PI4KB: variants seen among roughly 807,000 people sequenced by gnomAD.
PI4KB encodes the protein phosphatidylinositol 4-kinase beta.
Under a neutral mutation model 81.4 loss-of-function variants are expected in PI4KB, and 23 were observed. The ratio of observed to expected loss-of-function variants is 0.28; its 90% CI spans 0.20 to 0.40. PI4KB has a LOEUF of 0.40. Ranked by LOEUF, PI4KB falls within the 10% of genes least tolerant of loss-of-function variation. PI4KB has a pLI of 1.00. For synonymous variants in PI4KB, 381 were observed against 406.8 expected (o/e 0.94, Z 0.76); for missense variants, 651 against 1,036.6 (o/e 0.63, Z 5.11).
At position 151,327,291 on chromosome 1, in the gene PI4KB, G is replaced by C. The variant is rs936008429; in HGVS notation, c.-49C>G. 2.0e-5 allele frequency: 6 copies of C among 301,482 alleles called. No individual in the cohort carries two copies. The highest frequency in any genetic ancestry group is 3.7e-5 in the Non-Finnish European group (6 of 164,344). 18.7% of individuals were successfully genotyped at this position (301,482 alleles called of 1,614,324 possible). The stretch of plus-strand genomic sequence containing the variant: ...CTTACCTCTGGGGGACCCCCGCGGA[G>C]GGGGTGCGGGCAGTCGCGGTTGGAC... On this transcript the variant is annotated 5_prime_UTR_variant, in exon 1 of 12. Coordinates refer to ENST00000368873, the MANE Select transcript of PI4KB (RefSeq NM_001369623.2).
intron 3 of PI4KB, 65 bp downstream of exon 3, chr1:151,310,146 G>C: frequency 8.5e-7 from 1 of 1,170,984 alleles, no homozygotes; most frequent in Non-Finnish European, 1.3e-6. Context: ...AGAAGACCTG[G>C]GGACGGAGAG....
chr1:151,317,076 C>T (rs1290814782), intron 1 of PI4KB, among the ~76,000 whole-genome samples: 3 of 151,976 alleles, frequency 2.0e-5, no homozygotes, highest in South Asian at 2.1e-4. Context: ...CCACCCACCT[C>T]GGCCTCCCAA....
Position 151,323,333 on chromosome 1 carries a change from C to T in PI4KB, c.-29+3938G>A, listed in dbSNP as rs1020058552. ...CAGCCTGGCCAACATGGTGAAACCC[C>T]GTCTCTACTAAAAAATATAAAAAAC... On this transcript the variant is annotated intron_variant, in intron 1 of 11. Transcript: ENST00000368873. Among the ~76,000 whole-genome samples, 5 of 152,096 alleles carry T rather than the reference C, an allele frequency of 3.3e-5. No individual in the cohort carries two copies. In the South Asian group the frequency reaches 6.2e-4, roughly 19 times the overall value.
chr1:151,292,846 A>G lies in PI4KB; in HGVS notation c.*6T>C, dbSNP rs1694413338. 6.2e-7 allele frequency: 1 copy of G among 1,613,518 alleles called. No individual in the cohort carries two copies. On this transcript the variant is annotated 3_prime_UTR_variant, in exon 12 of 12. Transcript: ENST00000368873. The stretch of plus-strand genomic sequence containing the variant: ...ACCCCCCACCACTCCTGGGCTGAGG[A>G]GCGTGTCACATGATGCCGTTGGTGA...
At chr1:151,297,373 G>A (rs1476043114) in intron 9 of PI4KB, among the ~76,000 whole-genome samples, 2 of 83,068 alleles carry the variant, frequency 2.4e-5, no homozygotes, top group Non-Finnish European at 5.4e-5. Context: ...TTTGAGACTC[G>A]CTTTGTTGCC....
chr1:151,325,227 G>A (rs1649450694), intron 1 of PI4KB, among the ~76,000 whole-genome samples: 2 of 151,864 alleles, frequency 1.3e-5, no homozygotes, highest in Non-Finnish European at 2.9e-5. Context: ...TCCTGACCTC[G>A]GGTGATCTGC....
In PI4KB at chr1:151,292,656, T is replaced by C. The variant is rs1472480567; in HGVS notation, c.*196A>G. 2 of 590,512 alleles carry C rather than the reference T, an allele frequency of 3.4e-6. No individual in the cohort carries two copies. Among genetic ancestry groups the C allele is most frequent in the Non-Finnish European group, 6.0e-6 (2 of 334,550 alleles). The allele number at this position is 590,512 out of a possible 1,614,324, so 36.6% of individuals were successfully genotyped here. ...GGAGGGGCAGGGAAGCCCCAACAAGTCTGGACCCCACAGCTGGCTCTCCCA... is the reference window on the plus strand; with the variant it reads ...GGAGGGGCAGGGAAGCCCCAACAAGCCTGGACCCCACAGCTGGCTCTCCCA... On this transcript the variant is annotated 3_prime_UTR_variant, in exon 12 of 12. Transcript: ENST00000368873.
intron 1 of PI4KB, among the ~76,000 whole-genome samples, chr1:151,317,348 G>C (rs1648119895): frequency 6.6e-6 from 1 of 151,624 alleles, no homozygotes; most frequent in East Asian, 1.9e-4. Flanking sequence ...ACAGGGTCTT[G>C]CTCTGTTGCC....
At chr1:151,299,158 C>T in intron 8 of PI4KB, 85 bp from the exon 9 acceptor site, 1 of 1,228,624 alleles carries the variant, frequency 8.1e-7, no homozygotes, top group Non-Finnish European at 1.2e-6. Context: ...TCTCCAGCCT[C>T]TCTCCTTGGT....
intron 4 of PI4KB, 126 bp from the exon 5 acceptor site, chr1:151,306,489 G>A: frequency 1.5e-6 from 1 of 655,322 alleles, no homozygotes. Context: ...ATAGTCCTCT[G>A]AAACTATGAA....
chr1:151,301,790 CCA>C (rs1695310123), intron 8 of PI4KB, 52 bp downstream of exon 8: 2 of 1,574,514 alleles, frequency 1.3e-6, no homozygotes, highest in Admixed American at 3.4e-5. Flanking sequence ...CCTCGGCCTC[CCA>C]GAGTGCTGGG....
rs1694379135 is a variant in PI4KB at position 151,292,548 on chromosome 1, A to G, written c.*304T>C. The G allele has an allele frequency of 6.0e-6, 2 of 332,046 alleles. No homozygotes were observed. Among genetic ancestry groups the G allele is most frequent in the South Asian group, 8.7e-5 (2 of 22,872 alleles). 20.6% of individuals were successfully genotyped at this position (332,046 alleles called of 1,614,324 possible). A position where few individuals can be genotyped will look rare whatever the true frequency, so the allele number is the denominator to read the frequency against. On this transcript the variant is annotated 3_prime_UTR_variant, in exon 12 of 12. Transcript: ENST00000368873. ...CCCCTACAAGGAGAAGAAAGGCCCC[A>G]GTGTCCCTCACATTTGTCACCTCTG...
chr1:151,309,843 G>A (rs1696058722), intron 3 of PI4KB, among the ~76,000 whole-genome samples: 1 of 152,160 alleles, frequency 6.6e-6, no homozygotes, highest in South Asian at 2.1e-4. Context: ...GGTTCTGGGT[G>A]GGAGAAACAG....
intron 6 of PI4KB, among the ~76,000 whole-genome samples, chr1:151,302,721 G>A (rs1695397773): frequency 6.6e-6 from 1 of 150,996 alleles, no homozygotes; most frequent in South Asian, 2.1e-4. Flanking sequence ...GGGACTACAG[G>A]CGCCCACCAC....
In PI4KB at chr1:151,323,956, A is replaced by C. The variant is rs534175157; in HGVS notation, c.-29+3315T>G. On this transcript the variant is annotated intron_variant, in intron 1 of 11. Coordinates refer to ENST00000368873, the MANE Select transcript of PI4KB (RefSeq NM_001369623.2). ...AATGCATGCATTCCTTCAAAAAAAA[A>C]TTTTTTTTTTTTTGAGATGGAGTCT... 3.4e-5 allele frequency among the ~76,000 whole-genome samples: 5 copies of C among 145,442 alleles called. No homozygotes were observed. In the South Asian group the frequency reaches 1.1e-3, roughly 32 times the overall value.
At chr1:151,314,927 T>C (rs929144742) in intron 2 of PI4KB, among the ~76,000 whole-genome samples, 3 of 152,178 alleles carry the variant, frequency 2.0e-5, no homozygotes, top group African/African-American at 4.8e-5. Flanking sequence ...GTGGAGGGCT[T>C]CTGCCACAGT....
chr1:151,322,630 T>A (rs995572525), intron 1 of PI4KB, among the ~76,000 whole-genome samples: 1 of 152,080 alleles, frequency 6.6e-6, no homozygotes, highest in Non-Finnish European at 1.5e-5. Context: ...TAGAATGGCT[T>A]TAAGAGATCA....
chr1:151,299,196 G>T, intron 8 of PI4KB, 123 bp from the exon 9 acceptor site: 1 of 881,188 alleles, frequency 1.1e-6, no homozygotes, highest in Non-Finnish European at 1.8e-6. Context: ...CATCAAATGA[G>T]TAAGACTCAC....
In PI4KB at chr1:151,301,962, A is replaced by C; in HGVS notation, c.1631T>G (p.Ile544Ser). The change falls in exon 8 of 12, where the codon ATC (isoleucine) becomes AGC (serine). Residue 544 changes from isoleucine to serine, a missense_variant. Around this residue, in one of 5 missense-constraint regions of PI4KB, gnomAD observed 246 missense variants for 430.1 expected, o/e 0.57. Transcript: ENST00000368873. ...KEPWQEKVRR[I>S]REGSPYGHLP... ...ATGGCCGTAGGGGGAGCCCTCTCTG[A>C]TCCGCCTGTGAAGACAGAAGTAAAG... The C allele has an allele frequency of 1.2e-6, 2 of 1,613,526 alleles. No homozygotes were observed. The highest frequency in any genetic ancestry group is 1.7e-6 in the Non-Finnish European group (2 of 1,180,010).
Sources: gnomAD v4.1 joint callset for allele counts (sites outside exome capture counted in the v4.1 genomes callset) on GRCh38, gnomAD v4.1.1 for gene constraint, gnomAD v4.1.1 regional missense constraint, MANE v1.5 for transcripts, NCBI Gene and HGNC (gene_info 2026-07-23, HGNC 2026-07-21) for gene names.